MYO1C: variants seen among roughly 807,000 people sequenced by gnomAD.
The protein encoded by MYO1C is unconventional myosin-Ic.
In MYO1C, 104 loss-of-function variants were observed where a neutral mutation model predicts 150.8. The observed-to-expected ratio is 0.69, with a 90% CI of 0.59 to 0.81. The LOEUF is 0.81. Ranked by LOEUF, MYO1C falls within the 30% of genes least tolerant of loss-of-function variation. The probability of loss-of-function intolerance (pLI) is 0.00; values close to 1 mark genes in which losing one functional copy is unlikely to be tolerated. For synonymous variants in MYO1C, 663 were observed against 579.9 expected, an observed-to-expected ratio of 1.14 and a Z score of -2.06; for missense variants, 1,504 against 1,435.0, an observed-to-expected ratio of 1.05 and a Z score of -0.78.
intron 2 of MYO1C, 143 bp downstream of exon 2, chr17:1,484,005 G>A (rs1567533622): frequency 4.7e-6 from 5 of 1,072,910 alleles, no homozygotes; most frequent in Non-Finnish European, 6.7e-6. Context: ...TCGCGCCACT[G>A]CACTCCAGCC....
chr17:1,466,788 G>C (rs184469888), intron 31 of MYO1C, among the ~76,000 whole-genome samples: 1 of 151,684 alleles, frequency 6.6e-6, no homozygotes, highest in African/African-American at 2.4e-5. Context: ...CACCACGCCC[G>C]GCTAATTTTT....
intron 14 of MYO1C, among the ~76,000 whole-genome samples, chr17:1,475,957 T>C (rs183650732): frequency 6.6e-6 from 1 of 152,034 alleles, no homozygotes; most frequent in Non-Finnish European, 1.5e-5. Context: ...AGTTCTCGAC[T>C]ACGAAAAAAA....
chr17:1,477,936 G>C lies in MYO1C; in HGVS notation c.1437C>G (p.Ile479Met). Residue 479 changes from isoleucine to methionine, a missense_variant, in exon 13 of 32, where the codon ATC (isoleucine) becomes ATG (methionine). By Grantham distance (10) the Ile-to-Met change is conservative. Transcript: ENST00000648651. Reference protein sequence around the residue: ...EPVQYFNNKIICDLVEEKFKG... With the variant: ...EPVQYFNNKIMCDLVEEKFKG... ...TAAACTTCTCCTCCACCAGATCACA[G>C]ATGATTTTGTTGTTGAAATACTGGA... is the stretch of plus-strand genomic sequence containing the variant. The C allele has an allele frequency of 6.2e-7, 1 of 1,614,206 alleles. No homozygotes were observed. The highest frequency in any genetic ancestry group is 1.1e-5 in the South Asian group (1 of 91,084).
chr17:1,480,005 G>A (rs1598338983), intron 7 of MYO1C, among the ~76,000 whole-genome samples: 1 of 151,978 alleles, frequency 6.6e-6, no homozygotes, highest in South Asian at 2.1e-4. Context: ...AATTAGCCAG[G>A]TGTGGTGGCA....
chr17:1,468,720 C>T (rs572090136), intron 25 of MYO1C: 39 of 586,458 alleles, frequency 6.7e-5, no homozygotes, highest in East Asian at 5.1e-4. Flanking sequence ...GAAGGCACTG[C>T]GGGGTTTTGA....
chr17:1,474,779 A>ACCCCCCCCCCCCCCCCCCCC, intron 16 of MYO1C, 33 bp downstream of exon 16: 2 of 969,132 alleles, frequency 2.1e-6, no homozygotes, highest in East Asian at 3.1e-5. Context: ...GGCTATCCCC[A>ACCCCCCCCCCCCCCCCCCCC]CCCCCACCCC....
Position 1,474,896 on chromosome 17 carries a change from T to A in MYO1C, c.1670-38A>T, listed in dbSNP as rs1002393040. ...AACCGACGTGAGGTGAGACAGAGCCTCCCCGCAGGCCCCTGTGGGGACACA... is the reference window on the plus strand; with the variant it reads ...AACCGACGTGAGGTGAGACAGAGCCACCCCGCAGGCCCCTGTGGGGACACA... On this transcript the variant is annotated intron_variant, in intron 15 of 31. Transcript: ENST00000648651. The A allele has an allele frequency of 1.9e-6, 3 of 1,612,842 alleles. No homozygotes were observed. In the Admixed American group the frequency reaches 5.0e-5, roughly 27 times the overall value.
chr17:1,467,183 G>A, intron 31 of MYO1C, 59 bp downstream of exon 31: 4 of 1,504,774 alleles, frequency 2.7e-6, no homozygotes, highest in Non-Finnish European at 2.7e-6. Flanking sequence ...GCCAAGCACA[G>A]CCAAGGAAGG....
chr17:1,470,860 G>T (rs761527408), intron 21 of MYO1C, 171 bp from the exon 22 acceptor site: 13 of 916,146 alleles, frequency 1.4e-5, no homozygotes, highest in Non-Finnish European at 2.2e-5. Context: ...AAAGGGGGGC[G>T]GCGGGTGGGA....
At chr17:1,484,423 G>A in intron 1 of MYO1C, 120 bp from the exon 2 acceptor site, 1 of 1,256,672 alleles carries the variant, frequency 8.0e-7, no homozygotes, top group Non-Finnish European at 1.1e-6. Flanking sequence ...CTAGACACGG[G>A]ACATGAGCAT....
intron 17 of MYO1C, among the ~76,000 whole-genome samples, 178 bp downstream of exon 17, chr17:1,474,432 A>G (rs1187512930): frequency 6.7e-6 from 1 of 150,258 alleles, no homozygotes; most frequent in Non-Finnish European, 1.5e-5. Flanking sequence ...TGTCTCAAAA[A>G]AAAAAAAAAA....
intron 1 of MYO1C, chr17:1,485,618 C>A (rs2074637076): frequency 7.4e-6 from 8 of 1,081,380 alleles, no homozygotes; most frequent in South Asian, 7.9e-5. Flanking sequence ...CGCTTCCTGG[C>A]GAGGCCGAGG....
In MYO1C at chr17:1,469,453, C is replaced by T. The variant is rs368974282; in HGVS notation, c.2610+78G>A. On this transcript the variant is annotated intron_variant, in intron 25 of 31. Coordinates refer to ENST00000648651, the MANE Select transcript of MYO1C (RefSeq NM_001080779.2). Reference sequence around the variant, plus strand: ...CGGTAGACCGGGGTAAATGCCCCTCCAGGCGGACACCCTTTGAGCAATGCT... The same window carrying T: ...CGGTAGACCGGGGTAAATGCCCCTCTAGGCGGACACCCTTTGAGCAATGCT... The T allele has an allele frequency of 1.3e-3, 1,085 of 862,874 alleles. 9 individuals are homozygous for T. In the Middle Eastern group the frequency reaches 0.022, roughly 17 times the overall value. The allele number at this position is 862,874 out of a possible 1,614,324, so 53.5% of individuals were successfully genotyped here.
At chr17:1,475,133 AC>A in intron 14 of MYO1C, 101 bp from the exon 15 acceptor site, 2 of 1,228,170 alleles carry the variant, frequency 1.6e-6, no homozygotes, top group Non-Finnish European at 2.3e-6. Context: ...GCCCAGGTGC[AC>A]CCCAGGCCGG....
At chr17:1,468,858 T>C (rs2074236838) in intron 25 of MYO1C, 2 of 384,662 alleles carry the variant, frequency 5.2e-6, no homozygotes, top group Non-Finnish European at 9.8e-6. Flanking sequence ...TTTAGCATCA[T>C]CCAATACTGA....
At chr17:1,492,298 G>T in intron 1 of MYO1C, 115 bp downstream of exon 1, 1 of 1,043,054 alleles carries the variant, frequency 9.6e-7, no homozygotes, top group Non-Finnish European at 1.5e-6. Flanking sequence ...GCCCCGCCAA[G>T]GATCGGAACC....
chr17:1,470,191 G>A lies in MYO1C; in HGVS notation c.2510C>T (p.Pro837Leu), dbSNP rs773359226. Residue 837 changes from proline (P) to leucine (L), a missense_variant, in exon 24 of 32, where the codon CCA becomes CTA. Physicochemically the swap from Pro to Leu is moderately conservative, Grantham distance 98. Transcript: ENST00000648651. ...NVLDTSWPTP[P>L]PALREASELL... ...CCCACAGACCTCACGCAGGGCAGGT[G>A]GGGGCGTGGGCCACGAGGTGTCCAG... 1.9e-6 allele frequency: 3 copies of A among 1,610,754 alleles called. No individual in the cohort carries two copies. The highest frequency in any genetic ancestry group is 1.7e-6 in the Non-Finnish European group (2 of 1,179,156).
At chr17:1,487,947 A>G (rs1440375873) in intron 1 of MYO1C, among the ~76,000 whole-genome samples, 2 of 152,156 alleles carry the variant, frequency 1.3e-5, no homozygotes, top group Admixed American at 6.5e-5. Flanking sequence ...AGGAAAATCT[A>G]GAGGGAGCAA....
rs768886064 is a variant in MYO1C, at chr17:1,471,174, G to A, written c.2136-27C>T. 1.1e-5 allele frequency: 18 copies of A among 1,613,928 alleles called. 1 individual carries two copies. In the South Asian group the frequency reaches 2.0e-4, roughly 18 times the overall value. On this transcript the variant is annotated intron_variant, in intron 20 of 31. Coordinates refer to ENST00000648651, the MANE Select transcript of MYO1C (RefSeq NM_001080779.2). The stretch of plus-strand genomic sequence containing the variant: ...TGGGAGAGCAGTAGTGATCAGCCCG[G>A]GGTTGCCACTCCCATTCCCCGCAGG...
Sources: gnomAD v4.1 joint callset for allele counts (sites outside exome capture counted in the v4.1 genomes callset) on GRCh38, gnomAD v4.1.1 for gene constraint, MANE v1.5 for transcripts, NCBI Gene and HGNC (gene_info 2026-07-23, HGNC 2026-07-21) for gene names.